The following GRID2 variants were observed in gnomAD, a reference collection of about 807,000 sequenced individuals.
The protein encoded by GRID2 is glutamate ionotropic receptor delta type subunit 2.
Under a neutral mutation model 114.8 loss-of-function variants are expected in GRID2, and 33 were observed. That is an observed-to-expected ratio of 0.29 (90% CI 0.22 to 0.38). The LOEUF (loss-of-function observed/expected upper bound fraction) is 0.38, where lower values mean the gene tolerates loss of function less well. Among genes scored for constraint, GRID2 ranks in the 10% least tolerant of loss-of-function variants. The pLI is 1.00. For synonymous variants in GRID2, 505 were observed against 449.9 expected (o/e 1.12, Z -1.55); for missense variants, 1,184 against 1,257.7 (o/e 0.94, Z 0.89).
At chr4:92,460,432 G>A (rs1030496379) in intron 1 of GRID2, among the ~76,000 whole-genome samples, 5 of 151,924 alleles carry the variant, frequency 3.3e-5, no homozygotes, top group Admixed American at 6.6e-5. Context: ...TCATGTACAC[G>A]ATTCTAGATA....
intron 4 of GRID2, among the ~76,000 whole-genome samples, chr4:93,114,947 G>A (rs146130100): frequency 7.0e-4 from 107 of 152,210 alleles, no homozygotes; most frequent in African/African-American, 2.5e-3. Flanking sequence ...AATACCGTAG[G>A]AGAACTGACT....
chr4:92,529,497 A>G (rs1336981787), intron 1 of GRID2, among the ~76,000 whole-genome samples: 1 of 152,078 alleles, frequency 6.6e-6, no homozygotes, highest in Admixed American at 6.6e-5. Context: ...AACAGAGGAG[A>G]TAGGGATTCC....
intron 2 of GRID2, among the ~76,000 whole-genome samples, chr4:92,803,140 T>C (rs931775837): frequency 6.6e-6 from 1 of 151,920 alleles, no homozygotes; most frequent in Non-Finnish European, 1.5e-5. Context: ...CCTCTTAATA[T>C]AGTGCTATTT....
At chr4:92,355,835 T>C (rs1728292403) in intron 1 of GRID2, among the ~76,000 whole-genome samples, 1 of 151,870 alleles carries the variant, frequency 6.6e-6, no homozygotes, top group Non-Finnish European at 1.5e-5. Flanking sequence ...AGATCAATTC[T>C]CTTATATGTA....
intron 4 of GRID2, among the ~76,000 whole-genome samples, chr4:93,133,620 G>A (rs1179745761): frequency 6.6e-6 from 1 of 152,080 alleles, no homozygotes; most frequent in Non-Finnish European, 1.5e-5. Flanking sequence ...TTAAGATGAA[G>A]ATTTAAATGG....
In GRID2 at chr4:93,577,452, C is replaced by A. The variant is rs945685744; in HGVS notation, c.2194-48817C>A. Among the ~76,000 whole-genome samples, 6 of 151,992 alleles carry A rather than the reference C, an allele frequency of 3.9e-5. No homozygotes were observed. In the South Asian group the frequency reaches 1.0e-3, roughly 26 times the overall value. On this transcript the variant is annotated intron_variant, in intron 13 of 15. Coordinates refer to ENST00000282020, the MANE Select transcript of GRID2 (RefSeq NM_001510.4). ...AAGAAGAAACAAGATGATAATTTTC[C>A]CCAAATTCAGTCAAGATTTAGGATA...
chr4:92,606,715 C>T (rs1729470556), intron 2 of GRID2, among the ~76,000 whole-genome samples: 1 of 151,886 alleles, frequency 6.6e-6, no homozygotes, highest in East Asian at 1.9e-4. Context: ...TAATTTAACC[C>T]ATTGAAAAAG....
At chr4:93,123,052 C>T (rs1733942595) in intron 4 of GRID2, among the ~76,000 whole-genome samples, 2 of 151,918 alleles carry the variant, frequency 1.3e-5, no homozygotes, top group South Asian at 4.1e-4. Flanking sequence ...CAGAAGGTTT[C>T]TCTGAACATG....
chr4:92,822,435 GAT>G, intron 2 of GRID2: 1 of 520,898 alleles, frequency 1.9e-6, no homozygotes, highest in Non-Finnish European at 3.8e-6. Context: ...CTACAGAGGT[GAT>G]AGTGTTGCTG....
intron 2 of GRID2, among the ~76,000 whole-genome samples, chr4:92,827,882 C>G (rs1741838520): frequency 6.6e-6 from 1 of 152,062 alleles, no homozygotes; most frequent in African/African-American, 2.4e-5. Context: ...CAGGAATATG[C>G]TGTCAAGTCA....
chr4:93,316,062 G>C (rs1431663209), intron 8 of GRID2, among the ~76,000 whole-genome samples: 3 of 151,986 alleles, frequency 2.0e-5, no homozygotes, highest in African/African-American at 7.3e-5. Context: ...GGCATACCTG[G>C]GTGATTCCAG....
chr4:92,963,757 A>G (rs1447310428), intron 2 of GRID2, among the ~76,000 whole-genome samples: 4 of 151,998 alleles, frequency 2.6e-5, no homozygotes, highest in Admixed American at 2.6e-4. Context: ...TTTCCAGAAT[A>G]TTTTCAATTT....
intron 2 of GRID2, among the ~76,000 whole-genome samples, chr4:93,006,286 A>T (rs151096485): frequency 2.2e-3 from 337 of 152,230 alleles, no homozygotes; most frequent in African/African-American, 7.6e-3. Context: ...ACTGAATTAG[A>T]AAGACAGACA....
intron 1 of GRID2, among the ~76,000 whole-genome samples, chr4:92,558,594 T>C (rs1326751016): frequency 6.6e-6 from 1 of 152,152 alleles, no homozygotes; most frequent in African/African-American, 2.4e-5. Flanking sequence ...AAGACATCCC[T>C]GGTGAGCCTA....
intron 8 of GRID2, among the ~76,000 whole-genome samples, chr4:93,363,169 A>C (rs1047589009): frequency 6.6e-6 from 1 of 152,144 alleles, no homozygotes; most frequent in African/African-American, 2.4e-5. Context: ...GTGAGCTGAA[A>C]TTGCACCACT....
chr4:92,911,643 T>C (rs1394258065), intron 2 of GRID2, among the ~76,000 whole-genome samples: 2 of 152,020 alleles, frequency 1.3e-5, no homozygotes, highest in African/African-American at 2.4e-5. Context: ...GAAGAAAATA[T>C]ATTGTGGAAA....
At chr4:93,530,956 G>A (rs1731378277) in intron 13 of GRID2, among the ~76,000 whole-genome samples, 1 of 152,008 alleles carries the variant, frequency 6.6e-6, no homozygotes, top group African/African-American at 2.4e-5. Context: ...TATCTTTAAA[G>A]GCTCCCAGTA....
intron 14 of GRID2, among the ~76,000 whole-genome samples, chr4:93,631,721 G>A (rs1222505210): frequency 6.6e-6 from 1 of 152,138 alleles, no homozygotes; most frequent in Non-Finnish European, 1.5e-5. Flanking sequence ...AATCCTTTGG[G>A]TATATACCCA....
intron 1 of GRID2, among the ~76,000 whole-genome samples, chr4:93,780,781 AC>A (rs1421583861): frequency 6.6e-6 from 1 of 152,220 alleles, no homozygotes; most frequent in African/African-American, 2.4e-5. Flanking sequence ...TGGGGAAACC[AC>A]TGAAGATTTT....
Sources: gnomAD v4.1 joint callset for allele counts (sites outside exome capture counted in the v4.1 genomes callset) on GRCh38, gnomAD v4.1.1 for gene constraint, MANE v1.5 for transcripts, NCBI Gene and HGNC (gene_info 2026-07-23, HGNC 2026-07-21) for gene names.